Variants in PDZD2 observed in about 807,000 individuals in gnomAD.
PDZD2 encodes the protein PDZ domain-containing protein 2.
A neutral mutation model predicts 220.7 loss-of-function variants in PDZD2; 90 were observed. The ratio of observed to expected loss-of-function variants is 0.41; its 90% CI spans 0.34 to 0.49. PDZD2 has a LOEUF of 0.49. PDZD2 is among the 20% of genes least tolerant of loss of function. The pLI, the probability that PDZD2 is intolerant of heterozygous loss-of-function variation, is 0.28. For synonymous variants in PDZD2, 1,375 were observed against 1,450.5 expected (o/e 0.95, Z 1.18); for missense variants, 3,174 against 3,608.5 (o/e 0.88, Z 3.08).
intron 2 of PDZD2, among the ~76,000 whole-genome samples, chr5:31,982,461 C>T (rs1750374246): frequency 6.6e-6 from 1 of 152,172 alleles, no homozygotes; most frequent in Non-Finnish European, 1.5e-5. Context: ...GCAGGGACCA[C>T]CACACCGGAC....
At position 31,799,767 on chromosome 5, in the gene PDZD2, G is replaced by A. The variant is rs751011968; in HGVS notation, c.476+43G>A. ...CTGCTGGCACAGGGGCTGGACACGG[G>A]AACCTGGTGGTTCCCAGATCTGCAG... On this transcript the variant is annotated intron_variant, in intron 2 of 24. Transcript: ENST00000438447. 1.1e-5 allele frequency: 15 copies of A among 1,317,766 alleles called. No individual in the cohort carries two copies. The South Asian group carries it at 1.6e-4, about 14-fold the overall frequency. The allele number at this position is 1,317,766 out of a possible 1,614,324, so 81.6% of individuals were successfully genotyped here.
chr5:32,020,534 G>C (rs921164585), intron 6 of PDZD2, among the ~76,000 whole-genome samples: 1 of 152,122 alleles, frequency 6.6e-6, no homozygotes, highest in Non-Finnish European at 1.5e-5. Context: ...CTGTAATGTA[G>C]ATAATGTTGC....
At chr5:32,067,551 G>C (rs1214954668) in intron 14 of PDZD2, among the ~76,000 whole-genome samples, 1 of 152,104 alleles carries the variant, frequency 6.6e-6, no homozygotes, top group African/African-American at 2.4e-5. Flanking sequence ...TAATTTGCCT[G>C]TTATGATAAA....
In PDZD2 at chr5:32,108,710, C is replaced by T. The variant is rs909934699; in HGVS notation, c.*575C>T. ...GAATTATGACCTGTTAGGCTGAGCT[C>T]AGGAATTGTCCAAAAAGGAAAAAGC... is the stretch of plus-strand genomic sequence containing the variant. On this transcript the variant is annotated 3_prime_UTR_variant, in exon 25 of 25. Transcript: ENST00000438447. 6.6e-6 allele frequency: 1 copy of T among 152,602 alleles called. No homozygotes were observed. Among genetic ancestry groups the T allele is most frequent in the Non-Finnish European group, 1.5e-5 (1 of 68,044 alleles). The allele number at this position is 152,602 out of a possible 1,614,324, so 9.5% of individuals were successfully genotyped here.
chr5:32,091,908 A>T (rs1017730483), intron 20 of PDZD2, among the ~76,000 whole-genome samples: 1 of 152,194 alleles, frequency 6.6e-6, no homozygotes, highest in African/African-American at 2.4e-5. Context: ...AGGAAGAGAG[A>T]GCACAGCACG....
intron 5 of PDZD2, among the ~76,000 whole-genome samples, chr5:32,003,884 G>A (rs531679921): frequency 1.1e-4 from 16 of 152,010 alleles, no homozygotes; most frequent in Middle Eastern, 6.8e-3. Context: ...GCTAATTTTC[G>A]TACTTTTAGT....
At chr5:32,091,387 C>T (rs570696154) in intron 20 of PDZD2, among the ~76,000 whole-genome samples, 3 of 149,240 alleles carry the variant, frequency 2.0e-5, no homozygotes, top group East Asian at 2.0e-4. Context: ...CGGGTTCAAG[C>T]GATTCTCCTG....
intron 10 of PDZD2, among the ~76,000 whole-genome samples, 167 bp from the exon 11 acceptor site, chr5:32,057,488 A>T (rs531413253): frequency 6.6e-6 from 1 of 152,236 alleles, no homozygotes; most frequent in Non-Finnish European, 1.5e-5. Flanking sequence ...GTTGTCATTA[A>T]TTGTCCCATT....
chr5:31,705,125 C>T (rs1484941880), intron 1 of PDZD2, among the ~76,000 whole-genome samples: 4 of 151,836 alleles, frequency 2.6e-5, no homozygotes, highest in African/African-American at 4.8e-5. Flanking sequence ...TGTGCCACTG[C>T]AATCCAGCCT....
At chr5:31,727,961 C>T (rs565910171) in intron 1 of PDZD2, among the ~76,000 whole-genome samples, 1 of 146,652 alleles carries the variant, frequency 6.8e-6, no homozygotes, top group African/African-American at 2.5e-5. Flanking sequence ...CAAGATCGCA[C>T]CACTGCACTC....
intron 16 of PDZD2, 28 bp from the exon 17 acceptor site, chr5:32,072,133 A>T: frequency 6.5e-7 from 1 of 1,549,990 alleles, no homozygotes. Flanking sequence ...GTGTTTTCTT[A>T]GTTATCGGAT....
intron 8 of PDZD2, 137 bp downstream of exon 8, chr5:32,048,821 C>A: frequency 1.3e-6 from 1 of 793,102 alleles, no homozygotes; most frequent in Non-Finnish European, 2.0e-6. Flanking sequence ...GTGAGGTCTA[C>A]CCAGAGAGGC....
intron 1 of PDZD2, among the ~76,000 whole-genome samples, chr5:31,774,993 C>A (rs1465175665): frequency 6.6e-6 from 1 of 152,168 alleles, no homozygotes; most frequent in Non-Finnish European, 1.5e-5. Context: ...TTCAAAGTAT[C>A]AACATGATGT....
At chr5:32,106,026 G>A (rs1030547236) in intron 24 of PDZD2, 4 of 151,746 alleles carry the variant, frequency 2.6e-5, no homozygotes, top group African/African-American at 9.7e-5. Context: ...GGTTTGGGTG[G>A]GGGATGGTTT....
chr5:31,984,709 C>G (rs1750576026), intron 3 of PDZD2, among the ~76,000 whole-genome samples: 1 of 152,008 alleles, frequency 6.6e-6, no homozygotes, highest in Non-Finnish European at 1.5e-5. Context: ...ACCAAAAATA[C>G]AAAAAATTAG....
rs778769769 is a variant in PDZD2 at position 31,983,534 on chromosome 5, G to A, written c.856G>A (p.Val286Met). The A allele has an allele frequency of 1.2e-6, 2 of 1,614,204 alleles. No homozygotes were observed. The highest frequency in any genetic ancestry group is 4.5e-5 in the East Asian group (2 of 44,882). Residue 286 changes from valine (V) to methionine (M), a missense_variant, in exon 3 of 25, where the codon GTG becomes ATG. Coordinates refer to ENST00000438447, the MANE Select transcript of PDZD2 (RefSeq NM_178140.4). ...TGGACCCCATCTAGAGAGGTCAGAA[G>A]TGGACAGAGGGACAGAGCATAGAAT... ...VAGPHLERSE[V>M]DRGTEHRIPK...
intron 1 of PDZD2, chr5:31,664,843 G>A (rs1276800386): frequency 1.3e-5 from 2 of 152,190 alleles, no homozygotes; most frequent in Non-Finnish European, 1.5e-5. Context: ...CTAGGGCTGC[G>A]AGTACTCTGC....
At chr5:31,759,726 A>C (rs1751518995) in intron 1 of PDZD2, among the ~76,000 whole-genome samples, 1 of 151,856 alleles carries the variant, frequency 6.6e-6, no homozygotes, top group Non-Finnish European at 1.5e-5. Context: ...TTGTATTTTT[A>C]GTAGAGACGG....
At chr5:31,837,970 A>G (rs1331730777) in intron 2 of PDZD2, among the ~76,000 whole-genome samples, 2 of 152,238 alleles carry the variant, frequency 1.3e-5, no homozygotes, top group Non-Finnish European at 2.9e-5. Context: ...GAAAATGTAT[A>G]TACACATGGT....
Sources: gnomAD v4.1 joint callset for allele counts (sites outside exome capture counted in the v4.1 genomes callset) on GRCh38, gnomAD v4.1.1 for gene constraint, MANE v1.5 for transcripts, NCBI Gene and HGNC (gene_info 2026-07-23, HGNC 2026-07-21) for gene names.